Variants in SMYD1 observed in about 807,000 individuals in gnomAD.
SMYD1 encodes the protein SET and MYND domain containing 1.
In SMYD1, 49 loss-of-function variants were observed where a neutral mutation model predicts 54.0. The observed-to-expected ratio is 0.91, with a 90% CI of 0.72 to 1.15. The LOEUF (loss-of-function observed/expected upper bound fraction) is 1.15. Ranked by LOEUF, SMYD1 falls within the 50% of genes most tolerant of loss-of-function variation. The pLI is 0.00. For missense variants in SMYD1, 653 were observed against 639.6 expected (o/e 1.02, Z -0.23); for synonymous variants, 269 against 234.2 (o/e 1.15, Z -1.36).
chr2:88,079,414 C>G (rs895765215), intron 1 of SMYD1, among the ~76,000 whole-genome samples: 1 of 152,212 alleles, frequency 6.6e-6, no homozygotes, highest in African/African-American at 2.4e-5. Flanking sequence ...CAGACATATT[C>G]TTTCTGTTGG....
intron 2 of SMYD1, among the ~76,000 whole-genome samples, chr2:88,084,751 G>C (rs1674283306): frequency 6.6e-6 from 1 of 152,046 alleles, no homozygotes; most frequent in Non-Finnish European, 1.5e-5. Context: ...CCAATGTTTA[G>C]TTTATTTAGG....
chr2:88,110,507 C>T lies in SMYD1; in HGVS notation c.1468C>T (p.Gln490Ter). Residue 490 changes from glutamine (Q) to a stop codon, truncating the protein, a stop_gained, in exon 10 of 10, where the codon CAA becomes TAA. Coordinates refer to ENST00000419482, the MANE Select transcript of SMYD1 (RefSeq NM_198274.4). LOFTEE classifies it high-confidence loss of function. The stretch of plus-strand genomic sequence containing the variant: ...ATCCCCAGCTCTGTTCCACAAGAAG[C>T]AATGAGGACTGCCCAGTGGAGGAGG... Reference protein sequence around the residue: ...EPSPALFHKKQ With the variant: ...EPSPALFHKK 1 of 1,577,310 alleles carries T rather than the reference C, an allele frequency of 6.3e-7. No homozygotes were observed. The highest frequency in any genetic ancestry group is 8.6e-7 in the Non-Finnish European group (1 of 1,160,548).
At chr2:88,068,762 T>A (rs1360532350) in intron 1 of SMYD1, among the ~76,000 whole-genome samples, 1 of 152,168 alleles carries the variant, frequency 6.6e-6, no homozygotes. Flanking sequence ...TCTATTTCCT[T>A]TATAGAGCTA....
At chr2:88,074,990 T>TG (rs922586223) in intron 1 of SMYD1, among the ~76,000 whole-genome samples, 36 of 152,148 alleles carry the variant, frequency 2.4e-4, no homozygotes, top group African/African-American at 6.8e-4. Context: ...GGTTGGTTAT[T>TG]GGGGGATAAA....
intron 5 of SMYD1, among the ~76,000 whole-genome samples, chr2:88,095,634 T>G (rs1451777537): frequency 2.6e-5 from 4 of 152,194 alleles, no homozygotes; most frequent in Non-Finnish European, 5.9e-5. Context: ...CCACTTCCTC[T>G]CTGGATGATG....
intron 7 of SMYD1, among the ~76,000 whole-genome samples, chr2:88,104,359 A>G (rs1353378100): frequency 1.3e-5 from 2 of 152,180 alleles, no homozygotes; most frequent in Non-Finnish European, 2.9e-5. Flanking sequence ...GGCCAACACA[A>G]GACACTCTCC....
intron 1 of SMYD1, among the ~76,000 whole-genome samples, chr2:88,075,051 A>G (rs184667903): frequency 2.6e-4 from 39 of 152,362 alleles, no homozygotes; most frequent in Non-Finnish European, 4.9e-4. Context: ...AAATTCCGGA[A>G]CAATTAGTTC....
intron 1 of SMYD1, chr2:88,082,684 G>C (rs987682569): frequency 2.1e-4 from 32 of 154,404 alleles, no homozygotes; most frequent in Middle Eastern, 5.1e-4. Context: ...CCACCAGAAA[G>C]GTGTGAGAAT....
chr2:88,087,857 C>A lies in SMYD1; in HGVS notation c.315-5C>A. 1 of 1,560,408 alleles carries A rather than the reference C, an allele frequency of 6.4e-7. No individual in the cohort carries two copies. Among genetic ancestry groups the A allele is most frequent in the South Asian group, 1.2e-5 (1 of 83,026 alleles). ...AGTGGCCTCCTGACGCTGCCCTTCC[C>A]ACAGGCTGGCGGCGCGCATCATGTG... On this transcript the variant is annotated splice_region_variant and splice_polypyrimidine_tract_variant and intron_variant, in intron 2 of 9. Coordinates refer to ENST00000419482, the MANE Select transcript of SMYD1 (RefSeq NM_198274.4).
chr2:88,091,247 C>A, intron 4 of SMYD1, 105 bp downstream of exon 4: 1 of 1,272,722 alleles, frequency 7.9e-7, no homozygotes, highest in Non-Finnish European at 1.1e-6. Flanking sequence ...CCTGAACTAG[C>A]ATAAATTTTA....
intron 3 of SMYD1, among the ~76,000 whole-genome samples, chr2:88,088,329 C>T (rs1294676166): frequency 1.3e-5 from 2 of 152,198 alleles, no homozygotes; most frequent in African/African-American, 4.8e-5. Flanking sequence ...CAGGGACAGG[C>T]CTCCAAATGA....
rs935812952 is a variant in SMYD1 at position 88,099,520 on chromosome 2, C to T, written c.888+2736C>T. 1.7e-4 allele frequency among the ~76,000 whole-genome samples: 26 copies of T among 151,900 alleles called. No homozygotes were observed. In the East Asian group the frequency reaches 4.7e-3, roughly 28 times the overall value. ...CAGGCAGATCACGAGGTCAGGAGTTCGATACCAGCCTGGACAATATGGTGA... is the reference window on the plus strand; with the variant it reads ...CAGGCAGATCACGAGGTCAGGAGTTTGATACCAGCCTGGACAATATGGTGA... On this transcript the variant is annotated intron_variant, in intron 6 of 9. Transcript: ENST00000419482.
chr2:88,071,356 T>A (rs925804715), intron 1 of SMYD1, among the ~76,000 whole-genome samples: 1 of 152,228 alleles, frequency 6.6e-6, no homozygotes, highest in African/African-American at 2.4e-5. Context: ...GTGTCTTTGT[T>A]AGAATGGGCT....
rs181205100 is a variant in SMYD1 at position 88,107,930 on chromosome 2, G to A, written c.1146-441G>A. ...CCTTGCCCTGCTTCGGCTTACACTC[G>A]GTGCGCTGCACCCACTGTCCTGCAC... On this transcript the variant is annotated intron_variant, in intron 8 of 9. Transcript: ENST00000419482. 3.9e-5 allele frequency among the ~76,000 whole-genome samples: 6 copies of A among 152,314 alleles called. No homozygotes were observed. In the East Asian group the frequency reaches 5.8e-4, roughly 15 times the overall value.
At chr2:88,084,789 G>T (rs1029364235) in intron 2 of SMYD1, among the ~76,000 whole-genome samples, 3 of 152,096 alleles carry the variant, frequency 2.0e-5, no homozygotes, top group African/African-American at 7.2e-5. Flanking sequence ...CTGCTCTGTT[G>T]CCCAGGTTGG....
At position 88,111,952 on chromosome 2, in the gene SMYD1, A is replaced by G. The variant is rs1675033698; in HGVS notation, c.*1440A>G. 8 of 663,150 alleles carry G rather than the reference A, an allele frequency of 1.2e-5. No individual in the cohort carries two copies. In the East Asian group the frequency reaches 2.2e-4, roughly 18 times the overall value. 41.1% of individuals were successfully genotyped at this position (663,150 alleles called of 1,614,324 possible). A position where few individuals can be genotyped will look rare whatever the true frequency, so the allele number is the denominator to read the frequency against. ...TCCCACGTTTGTTATCTCTGCCTAA[A>G]TGTTAGCTTCTCCATCCTCACCACA... is the stretch of plus-strand genomic sequence containing the variant. On this transcript the variant is annotated 3_prime_UTR_variant, in exon 10 of 10. Transcript: ENST00000419482.
chr2:88,107,742 G>A (rs969558310), intron 8 of SMYD1, among the ~76,000 whole-genome samples: 2 of 152,232 alleles, frequency 1.3e-5, no homozygotes, highest in Non-Finnish European at 2.9e-5. Flanking sequence ...CCCTCCGAGC[G>A]AGGCGTGGGA....
chr2:88,093,411 C>T (rs1355873263), intron 4 of SMYD1, 106 bp from the exon 5 acceptor site: 3 of 1,349,418 alleles, frequency 2.2e-6, no homozygotes, highest in Non-Finnish European at 3.2e-6. Context: ...TTGTGATGGC[C>T]AAAGCTTTGA....
Position 88,067,895 on chromosome 2 carries a change from G to A in SMYD1, c.31G>A (p.Val11Ile). 1 of 1,614,096 alleles carries A rather than the reference G, an allele frequency of 6.2e-7. No individual in the cohort carries two copies. The highest frequency in any genetic ancestry group is 8.5e-7 in the Non-Finnish European group (1 of 1,180,032). ...AATAGGGAGAATGGAGAACGTGGAG[G>A]TCTTCACCGCTGAGGGCAAAGGAAG... MTIGRMENVE[V>I]FTAEGKGRGL... The change falls in exon 1 of 10, where the codon GTC becomes ATC. Residue 11 changes from valine (V) to isoleucine (I), a missense_variant. Coordinates refer to ENST00000419482, the MANE Select transcript of SMYD1 (RefSeq NM_198274.4).
Sources: gnomAD v4.1 joint callset for allele counts (sites outside exome capture counted in the v4.1 genomes callset) on GRCh38, gnomAD v4.1.1 for gene constraint, MANE v1.5 for transcripts, NCBI Gene and HGNC (gene_info 2026-07-23, HGNC 2026-07-21) for gene names.